Variants in DAB1 observed in about 807,000 individuals in gnomAD.
DAB1 encodes the protein DAB adaptor protein 1.
In DAB1, 15 loss-of-function variants were observed where a neutral mutation model predicts 64.6. The ratio of observed to expected loss-of-function variants is 0.23; its 90% CI spans 0.16 to 0.36. The LOEUF (loss-of-function observed/expected upper bound fraction) is 0.36. Among genes scored for constraint, DAB1 ranks in the 10% least tolerant of loss-of-function variants. DAB1 has a pLI of 1.00. For missense variants in DAB1, 596 were observed against 706.7 expected (o/e 0.84, Z 1.78); for synonymous variants, 235 against 251.9 (o/e 0.93, Z 0.64).
At chr1:57,459,857 C>T (rs2101175791) in intron 7 of DAB1, among the ~76,000 whole-genome samples, 1 of 152,302 alleles carries the variant, frequency 6.6e-6, no homozygotes, top group South Asian at 2.1e-4. Context: ...TAGTTTAAGG[C>T]ATCAAGGGAA....
intron 4 of DAB1, among the ~76,000 whole-genome samples, chr1:57,078,196 G>C (rs1371849013): frequency 1.3e-5 from 2 of 152,140 alleles, no homozygotes; most frequent in East Asian, 1.9e-4. Context: ...CCCTGGGTTG[G>C]CATCCTGAAA....
intron 5 of DAB1, among the ~76,000 whole-genome samples, chr1:57,891,766 G>A (rs1644318015): frequency 1.3e-5 from 2 of 152,082 alleles, no homozygotes; most frequent in Non-Finnish European, 2.9e-5. Context: ...AACATCTCAT[G>A]TTCTCACTCA....
At chr1:57,623,034 C>T (rs938088666) in intron 7 of DAB1, among the ~76,000 whole-genome samples, 1 of 152,306 alleles carries the variant, frequency 6.6e-6, no homozygotes, top group Non-Finnish European at 1.5e-5. Flanking sequence ...TATTAGTCTT[C>T]ATAATAAATT....
chr1:58,118,961 T>C (rs1218809108), intron 5 of DAB1, among the ~76,000 whole-genome samples: 3 of 152,078 alleles, frequency 2.0e-5, no homozygotes, highest in East Asian at 1.9e-4. Context: ...CACATGTGAC[T>C]AGTTCAATAC....
chr1:57,027,711 G>T (rs567421149), intron 9 of DAB1, among the ~76,000 whole-genome samples: 2 of 152,272 alleles, frequency 1.3e-5, no homozygotes, highest in East Asian at 1.9e-4. Flanking sequence ...GTTAAGACTG[G>T]TTGAAAGAGC....
intron 5 of DAB1, among the ~76,000 whole-genome samples, chr1:58,079,759 T>A (rs1448736789): frequency 6.6e-6 from 1 of 151,834 alleles, no homozygotes; most frequent in African/African-American, 2.4e-5. Flanking sequence ...GACCTCATGA[T>A]CCACCTGCCT....
At chr1:57,094,654 G>A (rs192777320) in intron 4 of DAB1, among the ~76,000 whole-genome samples, 32 of 152,286 alleles carry the variant, frequency 2.1e-4, no homozygotes, top group Admixed American at 1.6e-3. Context: ...ATTATTTTGT[G>A]TATTTTTCAT....
intron 2 of DAB1, among the ~76,000 whole-genome samples, chr1:58,509,914 G>A (rs1425969030): frequency 6.6e-6 from 1 of 151,918 alleles, no homozygotes; most frequent in Non-Finnish European, 1.5e-5. Flanking sequence ...TAAACTCCAA[G>A]AAATATACAA....
At chr1:57,559,378 C>G (rs1309076078) in intron 7 of DAB1, among the ~76,000 whole-genome samples, 1 of 152,138 alleles carries the variant, frequency 6.6e-6, no homozygotes, top group Non-Finnish European at 1.5e-5. Context: ...GGCCGGGTCC[C>G]CTTGAGGAAG....
At chr1:57,968,523 T>C (rs978683823) in intron 5 of DAB1, among the ~76,000 whole-genome samples, 5 of 152,132 alleles carry the variant, frequency 3.3e-5, no homozygotes, top group African/African-American at 9.7e-5. Flanking sequence ...GCCTGGAAAA[T>C]TGGCATGCAT....
In DAB1 at chr1:57,960,344, C is replaced by A. The variant is rs533769317; in HGVS notation, n.388-76182G>T. On this transcript the variant is annotated intron_variant and non_coding_transcript_variant, in intron 5 of 20. Coordinates refer to the DAB1 transcript ENST00000485760. ...TGTAAAAGACAGATAATAACTGTTTCTAAGGACTGTCATGAAGATTTTTTA... is the reference window on the plus strand; with the variant it reads ...TGTAAAAGACAGATAATAACTGTTTATAAGGACTGTCATGAAGATTTTTTA... Among the ~76,000 whole-genome samples the A allele has an allele frequency of 5.9e-5, 9 of 152,244 alleles. No individual in the cohort carries two copies. In the East Asian group the frequency reaches 1.7e-3, roughly 29 times the overall value.
intron 12 of DAB1, among the ~76,000 whole-genome samples, chr1:57,013,597 A>C (rs1646330994): frequency 1.3e-5 from 2 of 152,232 alleles, no homozygotes; most frequent in African/African-American, 2.4e-5. Flanking sequence ...GAAATGGCAC[A>C]ATCTAATTGT....
intron 4 of DAB1, among the ~76,000 whole-genome samples, chr1:58,291,488 G>A (rs538304211): frequency 2.0e-5 from 3 of 152,194 alleles, no homozygotes; most frequent in Non-Finnish European, 4.4e-5. Flanking sequence ...TCACAGGAAA[G>A]TCAGAAGTTT....
chr1:57,184,368 GC>G (rs771636561), intron 2 of DAB1, among the ~76,000 whole-genome samples: 2 of 152,128 alleles, frequency 1.3e-5, no homozygotes, highest in Non-Finnish European at 2.9e-5. Flanking sequence ...ATCCGTTCTT[GC>G]CCTTCTCAGA....
intron 1 of DAB1, among the ~76,000 whole-genome samples, chr1:57,345,794 CG>C (rs770245286): frequency 7.9e-5 from 12 of 152,246 alleles, no homozygotes; most frequent in East Asian, 7.7e-4. Flanking sequence ...CAATTACTGC[CG>C]GTGCCTATGC....
intron 4 of DAB1, among the ~76,000 whole-genome samples, chr1:58,216,619 C>T (rs147030812): frequency 0.011 from 1,680 of 152,218 alleles, 32 homozygotes; most frequent in African/African-American, 0.038. Flanking sequence ...TCTTCCACAA[C>T]GGTTGAACTA....
At chr1:57,374,553 T>C (rs1451958501) in intron 1 of DAB1, among the ~76,000 whole-genome samples, 2 of 152,186 alleles carry the variant, frequency 1.3e-5, no homozygotes, top group African/African-American at 4.8e-5. Context: ...GGTTGTATTA[T>C]TTGGAGATAA....
chr1:58,460,938 T>C (rs1265422876), intron 3 of DAB1, among the ~76,000 whole-genome samples: 1 of 152,206 alleles, frequency 6.6e-6, no homozygotes, highest in Non-Finnish European at 1.5e-5. Context: ...CACTCCATGT[T>C]TGGCTTTCAA....
intron 2 of DAB1, among the ~76,000 whole-genome samples, chr1:58,515,244 G>A (rs781301369): frequency 6.6e-6 from 1 of 152,060 alleles, no homozygotes; most frequent in Non-Finnish European, 1.5e-5. Flanking sequence ...GATAATTTCA[G>A]CTAAGCCATT....
Sources: gnomAD v4.1 joint callset for allele counts (sites outside exome capture counted in the v4.1 genomes callset) on GRCh38, gnomAD v4.1.1 for gene constraint, MANE v1.5 for transcripts, NCBI Gene and HGNC (gene_info 2026-07-23, HGNC 2026-07-21) for gene names.